Variants in HOOK3 observed in about 807,000 individuals in gnomAD.
HOOK3 encodes the protein hook microtubule tethering protein 3, also known as protein Hook homolog 3.
In HOOK3, 24 loss-of-function variants were observed where a neutral mutation model predicts 116.3. That is an observed-to-expected ratio of 0.21 (90% CI 0.15 to 0.29). The LOEUF is 0.29. Ranked by LOEUF, HOOK3 falls within the 10% of genes least tolerant of loss-of-function variation. The pLI, the probability that HOOK3 is intolerant of heterozygous loss-of-function variation, is 1.00. For synonymous variants in HOOK3, 275 were observed against 283.0 expected (o/e 0.97, Z 0.28); for missense variants, 632 against 830.2 (o/e 0.76, Z 2.93).
rs149673072 is a variant in HOOK3, at chr8:42,997,603, A to G, written c.1586A>G (p.Lys529Arg). Reference protein sequence around the residue: ...EVQSQVEELQKSLQDQGSKAE... With the variant: ...EVQSQVEELQRSLQDQGSKAE... ...CAGTCACAAGTTGAAGAATTACAAA[A>G]ATCTTTACAGGATCAAGGCTCAAAA... Residue 529 changes from lysine to arginine, a missense_variant, in exon 16 of 22, where the codon AAA (lysine) becomes AGA (arginine). Physicochemically the swap from Lys to Arg is conservative, Grantham distance 26. Coordinates refer to ENST00000307602, the MANE Select transcript of HOOK3 (RefSeq NM_032410.4). 1.5e-4 allele frequency: 234 copies of G among 1,610,138 alleles called. No individual in the cohort carries two copies. Among genetic ancestry groups the G allele is most frequent in the Non-Finnish European group, 1.9e-4 (227 of 1,176,724 alleles).
In HOOK3 at chr8:42,986,639, T is replaced by C; in HGVS notation, c.1392-16T>C. ...GACTGTGTATATAATATTTAGTTTT[T>C]ATTTTGTTCATTCAGGGAGAAACTT... On this transcript the variant is annotated splice_polypyrimidine_tract_variant and intron_variant, in intron 14 of 21. Transcript: ENST00000307602. 1 of 1,599,528 alleles carries C rather than the reference T, an allele frequency of 6.3e-7. No individual in the cohort carries two copies. Among genetic ancestry groups the C allele is most frequent in the Non-Finnish European group, 8.5e-7 (1 of 1,171,790 alleles).
chr8:42,939,024 G>C (rs1296193331), intron 4 of HOOK3, among the ~76,000 whole-genome samples: 1 of 152,168 alleles, frequency 6.6e-6, no homozygotes, highest in South Asian at 2.1e-4. Context: ...AGAGAGCACA[G>C]GGTTGGGGGT....
At position 43,013,357 on chromosome 8, in the gene HOOK3, G is replaced by T; in HGVS notation, c.1973G>T (p.Arg658Ile). ...EKEYEKTKSQREMEEKYIVSA... is the reference protein window; with the variant it reads ...EKEYEKTKSQIEMEEKYIVSA... ...GAATATGAGAAAACAAAGAGTCAGA[G>T]AGAGATGGAAGAGAAATATATTGTT... Residue 658 changes from arginine (R) to isoleucine (I), a missense_variant, in exon 21 of 22, where the codon AGA becomes ATA. Physicochemically the swap from Arg to Ile is moderately conservative, Grantham distance 97. This residue lies in a region of HOOK3 where 483 missense variants were observed against 648.1 expected (regional missense o/e 0.75). Coordinates refer to ENST00000307602, the MANE Select transcript of HOOK3 (RefSeq NM_032410.4). The T allele has an allele frequency of 6.3e-7, 1 of 1,583,404 alleles. No individual in the cohort carries two copies.
rs34161624 is a variant in HOOK3, at chr8:43,021,104, GAAAAAAAAAAAAA to G, written c.*2623_*2635del. On this transcript the variant is annotated 3_prime_UTR_variant, in exon 22 of 22. Coordinates refer to ENST00000307602, the MANE Select transcript of HOOK3 (RefSeq NM_032410.4). The stretch of plus-strand genomic sequence containing the variant: ...CGACAAGAGCGAAACTCTGTCGCAA[GAAAAAAAAAAAAA>G]AAAAAAAAAAAAAAAACAGTCTGTG... The G allele has an allele frequency of 4.9e-3, 157 of 32,290 alleles. 2 individuals are homozygous for G. Among genetic ancestry groups the G allele is most frequent in the South Asian group, 0.031 (23 of 732 alleles). The allele number at this position is 32,290 out of a possible 1,614,324, so 2.0% of individuals were successfully genotyped here.
intron 4 of HOOK3, among the ~76,000 whole-genome samples, chr8:42,931,260 C>G (rs1563293838): frequency 6.6e-6 from 1 of 152,132 alleles, no homozygotes. Flanking sequence ...CAGAGACTTT[C>G]TCTGAGCATG....
At chr8:42,933,891 G>C (rs1807916698) in intron 4 of HOOK3, among the ~76,000 whole-genome samples, 1 of 152,070 alleles carries the variant, frequency 6.6e-6, no homozygotes, top group South Asian at 2.1e-4. Context: ...GGACCTTTTA[G>C]GTCCTTTTTA....
At chr8:42,990,111 G>T (rs1809129314) in intron 15 of HOOK3, among the ~76,000 whole-genome samples, 1 of 151,670 alleles carries the variant, frequency 6.6e-6, no homozygotes, top group African/African-American at 2.4e-5. Context: ...GTCCTTCCAT[G>T]TCAGCCTCTA....
intron 1 of HOOK3, among the ~76,000 whole-genome samples, chr8:42,902,713 T>C (rs1188609646): frequency 6.6e-6 from 1 of 152,214 alleles, no homozygotes; most frequent in East Asian, 1.9e-4. Context: ...AGGCTATTTT[T>C]CCCCAATCTT....
intron 4 of HOOK3, among the ~76,000 whole-genome samples, chr8:42,934,073 T>C (rs998660438): frequency 6.6e-6 from 1 of 151,820 alleles, no homozygotes; most frequent in Non-Finnish European, 1.5e-5. Flanking sequence ...ATTTATTTAT[T>C]TATTTATTTT....
chr8:43,014,285 GAAAAAAAAAA>G (rs1195987584), intron 21 of HOOK3, among the ~76,000 whole-genome samples: 6 of 66,696 alleles, frequency 9.0e-5, no homozygotes, highest in South Asian at 5.0e-4. Flanking sequence ...GACTGTCTCA[GAAAAAAAAAA>G]AAAAAAAAAA....
chr8:42,917,563 C>G (rs984141835), intron 2 of HOOK3, among the ~76,000 whole-genome samples: 11 of 152,132 alleles, frequency 7.2e-5, no homozygotes, highest in African/African-American at 2.4e-4. Flanking sequence ...TCAGGAAATT[C>G]CAAGAGTTTA....
intron 2 of HOOK3, among the ~76,000 whole-genome samples, chr8:42,918,871 C>T (rs1807584796): frequency 6.6e-6 from 1 of 152,252 alleles, no homozygotes; most frequent in African/African-American, 2.4e-5. Context: ...CCCACATTTC[C>T]CCCTTTTCTA....
At chr8:42,900,529 G>A (rs1276586798) in intron 1 of HOOK3, among the ~76,000 whole-genome samples, 1 of 152,060 alleles carries the variant, frequency 6.6e-6, no homozygotes, top group Non-Finnish European at 1.5e-5. Context: ...TATAGAATTG[G>A]GGGTGGTATA....
At chr8:42,952,788 T>C (rs1396847342) in intron 6 of HOOK3, among the ~76,000 whole-genome samples, 6 of 152,174 alleles carry the variant, frequency 3.9e-5, no homozygotes, top group Non-Finnish European at 7.3e-5. Flanking sequence ...TTATATCATA[T>C]AAGATTAGAT....
chr8:42,940,855 G>A (rs1379098952), intron 4 of HOOK3, among the ~76,000 whole-genome samples: 1 of 152,138 alleles, frequency 6.6e-6, no homozygotes, highest in African/African-American at 2.4e-5. Context: ...TTCCAACTTG[G>A]TTCCATTCTC....
At chr8:42,980,838 C>T (rs1223483014) in intron 13 of HOOK3, among the ~76,000 whole-genome samples, 2 of 151,788 alleles carry the variant, frequency 1.3e-5, no homozygotes, top group African/African-American at 2.4e-5. Context: ...GAGCCGAGAT[C>T]GCGCCACTGC....
intron 3 of HOOK3, among the ~76,000 whole-genome samples, chr8:42,929,158 T>C (rs973718957): frequency 2.0e-5 from 3 of 152,160 alleles, no homozygotes; most frequent in Non-Finnish European, 4.4e-5. Flanking sequence ...TTTCAAATAT[T>C]AAAAATACGG....
chr8:42,974,816 C>T (rs190046811), intron 13 of HOOK3, among the ~76,000 whole-genome samples: 143 of 152,330 alleles, frequency 9.4e-4, no homozygotes, highest in Non-Finnish European at 1.6e-3. Flanking sequence ...CAAACCCAGA[C>T]AGTCTCTGCG....
chr8:42,957,173 T>G lies in HOOK3; in HGVS notation c.531+17T>G, dbSNP rs748405330. The G allele has an allele frequency of 6.6e-7, 1 of 1,504,048 alleles. No individual in the cohort carries two copies. The highest frequency in any genetic ancestry group is 1.2e-5 in the South Asian group (1 of 80,324). 93.2% of individuals were successfully genotyped at this position (1,504,048 alleles called of 1,614,324 possible). A position where few individuals can be genotyped will look rare whatever the true frequency, so the allele number is the denominator to read the frequency against. The stretch of plus-strand genomic sequence containing the variant: ...GATCGTCAGGTATATAATTTTACAT[T>G]GTTTTTATTCATGAAAAGGTTGAAA... On this transcript the variant is annotated intron_variant, in intron 7 of 21. Transcript: ENST00000307602.
Sources: allele counts gnomAD v4.1 joint callset (sites outside exome capture counted in the v4.1 genomes callset), GRCh38; gene constraint gnomAD v4.1.1; regional missense constraint gnomAD v4.1.1; transcripts MANE v1.5; gene names NCBI Gene and HGNC (gene_info 2026-07-23, HGNC 2026-07-21).